MSRA: variants seen among roughly 807,000 people sequenced by gnomAD.
MSRA encodes the protein methionine sulfoxide reductase A.
A neutral mutation model predicts 31.3 loss-of-function variants in MSRA; 54 were observed. The observed-to-expected ratio is 1.73, with a 90% CI of 1.39 to 2.17. The LOEUF is 2.17. Ranked by LOEUF, MSRA falls within the 30% of genes most tolerant of loss-of-function variation. The pLI is 0.00. For missense variants in MSRA, 507 were observed against 300.9 expected (o/e 1.69, Z -5.07); for synonymous variants, 169 against 116.5 (o/e 1.45, Z -2.90).
chr8:10,140,410 A>G (rs1802604971), intron 1 of MSRA, among the ~76,000 whole-genome samples: 1 of 152,206 alleles, frequency 6.6e-6, no homozygotes, highest in African/African-American at 2.4e-5. Context: ...TCATTTGCAT[A>G]GCTTTACAAA....
At chr8:10,086,353 T>C (rs1172742734) in intron 1 of MSRA, among the ~76,000 whole-genome samples, 2 of 152,198 alleles carry the variant, frequency 1.3e-5, no homozygotes, top group Admixed American at 1.3e-4. Flanking sequence ...AGTCAAGAAT[T>C]CTGGTTTGGC....
rs192509255 is a variant in MSRA, at chr8:10,274,104, G to A, written c.332-27430G>A. Among the ~76,000 whole-genome samples the A allele has an allele frequency of 4.9e-4, 75 of 152,246 alleles. No individual in the cohort carries two copies. The Middle Eastern group carries it at 0.01, about 21-fold the overall frequency. On this transcript the variant is annotated intron_variant, in intron 3 of 5. Transcript: ENST00000317173. ...AGCATCAAGGCATCTGGCAAAGGACGCAATTTACAAGGCCCAGTGCTATTA... is the reference window on the plus strand; with the variant it reads ...AGCATCAAGGCATCTGGCAAAGGACACAATTTACAAGGCCCAGTGCTATTA...
At chr8:10,111,488 T>G (rs1800276838) in intron 1 of MSRA, among the ~76,000 whole-genome samples, 1 of 152,174 alleles carries the variant, frequency 6.6e-6, no homozygotes, top group Non-Finnish European at 1.5e-5. Context: ...TTTGTCGATC[T>G]TTTCCCTTCT....
intron 5 of MSRA, among the ~76,000 whole-genome samples, chr8:10,413,530 C>T (rs1039503073): frequency 1.3e-4 from 20 of 151,550 alleles, no homozygotes; most frequent in Admixed American, 6.6e-4. Context: ...TGACGGTATC[C>T]GTTACTAAAC....
At chr8:10,071,293 G>T (rs1449015427) in intron 1 of MSRA, among the ~76,000 whole-genome samples, 1 of 152,044 alleles carries the variant, frequency 6.6e-6, no homozygotes, top group East Asian at 1.9e-4. Flanking sequence ...TTTGTCATTT[G>T]TATATCCTCT....
intron 5 of MSRA, among the ~76,000 whole-genome samples, chr8:10,354,511 A>G (rs1330563851): frequency 6.6e-6 from 1 of 152,182 alleles, no homozygotes; most frequent in South Asian, 2.1e-4. Context: ...ACCTTTGCTA[A>G]TCATATTTTA....
At chr8:10,102,984 C>T (rs1358743335) in intron 1 of MSRA, among the ~76,000 whole-genome samples, 2 of 152,170 alleles carry the variant, frequency 1.3e-5, no homozygotes, top group African/African-American at 2.4e-5. Flanking sequence ...ATGATAGTTA[C>T]ATTCTCAAAT....
chr8:10,172,344 A>T (rs1038312733), intron 1 of MSRA, among the ~76,000 whole-genome samples: 1 of 152,162 alleles, frequency 6.6e-6, no homozygotes, highest in African/African-American at 2.4e-5. Flanking sequence ...CAAAAGCCAG[A>T]AAAGATGGGA....
intron 2 of MSRA, among the ~76,000 whole-genome samples, chr8:10,229,616 A>G (rs929564499): frequency 6.6e-6 from 1 of 152,080 alleles, no homozygotes; most frequent in Non-Finnish European, 1.5e-5. Flanking sequence ...AAGAGAACAG[A>G]GTGGACACGA....
intron 1 of MSRA, among the ~76,000 whole-genome samples, chr8:10,056,472 A>T (rs1802378353): frequency 6.6e-6 from 1 of 150,718 alleles, no homozygotes. Flanking sequence ...GTCTCCATAT[A>T]GCTGTGAGTG....
chr8:10,267,661 C>T (rs113334109), intron 3 of MSRA, among the ~76,000 whole-genome samples: 7 of 151,906 alleles, frequency 4.6e-5, no homozygotes, highest in Non-Finnish European at 1.0e-4. Flanking sequence ...GAAGGAGCAC[C>T]GGAGTTGGAG....
intron 1 of MSRA, among the ~76,000 whole-genome samples, chr8:10,170,065 T>G (rs1399387815): frequency 2.7e-5 from 4 of 148,234 alleles, no homozygotes; most frequent in South Asian, 2.2e-4. Context: ...TTTTTTTTTT[T>G]AAGTAGAGAC....
chr8:10,127,574 GGA>G (rs1801592366), intron 1 of MSRA, among the ~76,000 whole-genome samples: 2 of 152,122 alleles, frequency 1.3e-5, no homozygotes, highest in South Asian at 4.2e-4. Flanking sequence ...TGAAATGAGT[GGA>G]GGATGATACA....
chr8:10,400,704 C>G (rs1042113270), intron 5 of MSRA, among the ~76,000 whole-genome samples: 15 of 152,144 alleles, frequency 9.9e-5, no homozygotes, highest in Non-Finnish European at 1.9e-4. Context: ...AGGCTGAACC[C>G]TCACATCTGT....
chr8:10,171,096 A>G (rs575092896), intron 1 of MSRA, among the ~76,000 whole-genome samples: 3 of 152,272 alleles, frequency 2.0e-5, no homozygotes, highest in Admixed American at 2.0e-4. Context: ...TATTTTTGGC[A>G]CATGGATGGG....
At chr8:10,119,606 T>G (rs1199577759) in intron 1 of MSRA, among the ~76,000 whole-genome samples, 2 of 152,120 alleles carry the variant, frequency 1.3e-5, no homozygotes, top group East Asian at 1.9e-4. Context: ...AGAAAACCAT[T>G]CAAAGAAATG....
At chr8:10,280,674 A>G (rs537481451) in intron 3 of MSRA, among the ~76,000 whole-genome samples, 2 of 152,326 alleles carry the variant, frequency 1.3e-5, no homozygotes, top group South Asian at 4.1e-4. Flanking sequence ...TTAGGTATAT[A>G]CCCAAGAGTC....
intron 1 of MSRA, among the ~76,000 whole-genome samples, chr8:10,146,203 T>A (rs544318430): frequency 1.3e-5 from 2 of 152,326 alleles, no homozygotes; most frequent in African/African-American, 4.8e-5. Context: ...GAACCCATAT[T>A]TGCTTTGGGT....
At chr8:10,386,650 TC>T (rs1806410281) in intron 5 of MSRA, among the ~76,000 whole-genome samples, 1 of 152,088 alleles carries the variant, frequency 6.6e-6, no homozygotes, top group Non-Finnish European at 1.5e-5. Context: ...AGGACTGCGG[TC>T]CCAAAATAGG....
Sources: allele counts gnomAD v4.1 joint callset (sites outside exome capture counted in the v4.1 genomes callset), GRCh38; gene constraint gnomAD v4.1.1; transcripts MANE v1.5; gene names NCBI Gene and HGNC (gene_info 2026-07-23, HGNC 2026-07-21).